The following ALPK1 variants were observed in gnomAD, a reference collection of about 807,000 sequenced individuals.
ALPK1 encodes alpha kinase 1, also known as alpha-protein kinase 1.
In ALPK1, 110 loss-of-function variants were observed where a neutral mutation model predicts 120.6. That is an observed-to-expected ratio of 0.91 (90% CI 0.78 to 1.07). The LOEUF is 1.07. Ranked by LOEUF, ALPK1 falls within the 50% of genes least tolerant of loss-of-function variation. The probability of loss-of-function intolerance (pLI) is 0.00; values close to 1 mark genes in which losing one functional copy is unlikely to be tolerated. For synonymous variants in ALPK1, 582 were observed against 560.3 expected (o/e 1.04, Z -0.55); for missense variants, 1,498 against 1,483.9 (o/e 1.01, Z -0.16).
intron 2 of ALPK1, chr4:112,356,859 G>C: frequency 1.4e-6 from 1 of 735,778 alleles, no homozygotes; most frequent in Non-Finnish European, 2.5e-6. Flanking sequence ...GACCTTAAGG[G>C]GACGGTCGTG....
At chr4:112,386,885 C>T (rs1031029505) in intron 4 of ALPK1, among the ~76,000 whole-genome samples, 6 of 152,128 alleles carry the variant, frequency 3.9e-5, no homozygotes, top group Admixed American at 1.3e-4. Context: ...GGAAAGTAAG[C>T]GCTCCTTCAG....
chr4:112,349,441 A>G (rs992789423), intron 2 of ALPK1, among the ~76,000 whole-genome samples: 1 of 152,120 alleles, frequency 6.6e-6, no homozygotes, highest in African/African-American at 2.4e-5. Context: ...ATTGATACCT[A>G]TGAAGCACTC....
At chr4:112,306,934 G>T (rs937794628) in intron 1 of ALPK1, among the ~76,000 whole-genome samples, 2 of 152,100 alleles carry the variant, frequency 1.3e-5, no homozygotes, top group East Asian at 1.9e-4. Flanking sequence ...GTGTCCCAGA[G>T]ATTCTGGTAT....
At chr4:112,312,397 C>T (rs369143763) in intron 1 of ALPK1, among the ~76,000 whole-genome samples, 28 of 152,138 alleles carry the variant, frequency 1.8e-4, no homozygotes, top group Non-Finnish European at 3.1e-4. Context: ...CTCAGCCTCG[C>T]GAGTAGCTGG....
At chr4:112,340,600 G>A (rs1729818663) in intron 2 of ALPK1, among the ~76,000 whole-genome samples, 3 of 152,118 alleles carry the variant, frequency 2.0e-5, no homozygotes, top group African/African-American at 7.2e-5. Context: ...CTTAAACACT[G>A]TTATTAAGAT....
intron 2 of ALPK1, chr4:112,359,064 G>A: frequency 1.3e-6 from 1 of 756,050 alleles, no homozygotes; most frequent in South Asian, 1.3e-5. Context: ...GACACAGCCA[G>A]CCCTGGACCC....
chr4:112,305,069 G>A (rs1331712721), intron 1 of ALPK1, among the ~76,000 whole-genome samples: 1 of 152,014 alleles, frequency 6.6e-6, no homozygotes, highest in Non-Finnish European at 1.5e-5. Flanking sequence ...TAGAGGTGTG[G>A]TATTATTTCT....
intron 1 of ALPK1, among the ~76,000 whole-genome samples, chr4:112,303,827 G>T (rs558366097): frequency 3.7e-4 from 56 of 151,636 alleles, no homozygotes; most frequent in Non-Finnish European, 7.4e-4. Context: ...GTATACATGT[G>T]CTGTGTTGGT....
chr4:112,379,330 A>G (rs1177138154), intron 3 of ALPK1, among the ~76,000 whole-genome samples: 1 of 152,238 alleles, frequency 6.6e-6, no homozygotes, highest in Admixed American at 6.5e-5. Context: ...CCTTCAGGTA[A>G]GCTGCTTGGG....
Position 112,425,705 on chromosome 4 carries a change from G to T in ALPK1, c.576G>T (p.Val192=). 1 of 1,613,226 alleles carries T rather than the reference G, an allele frequency of 6.2e-7. No individual in the cohort carries two copies. The highest frequency in any genetic ancestry group is 8.5e-7 in the Non-Finnish European group (1 of 1,179,318). Residue 192 remains valine (V), a synonymous_variant, in exon 7 of 16, where the codon GTG becomes GTT. Transcript: ENST00000650871. The part of the protein sequence containing the change: ...LYRNESDKVL[V]QSVCIQIRGQ... The stretch of plus-strand genomic sequence containing the variant: ...GAAATGAAAGTGACAAGGTCCTGGT[G>T]CAGTCGGTCTGTATACAGATCAGAG...
At chr4:112,435,012 T>C (rs1445317450) in intron 11 of ALPK1, 136 bp from the exon 12 acceptor site, 7 of 818,064 alleles carry the variant, frequency 8.6e-6, no homozygotes, top group East Asian at 5.1e-5. Flanking sequence ...ATAGAAGAGA[T>C]GAAAATTAGA....
At chr4:112,330,615 C>T (rs1175265154) in intron 2 of ALPK1, among the ~76,000 whole-genome samples, 1 of 152,176 alleles carries the variant, frequency 6.6e-6, no homozygotes, top group Non-Finnish European at 1.5e-5. Context: ...ACCCATGTGG[C>T]CTGTCCTTGG....
chr4:112,409,630 G>A (rs993219434), intron 4 of ALPK1, among the ~76,000 whole-genome samples: 4 of 151,978 alleles, frequency 2.6e-5, no homozygotes, highest in Admixed American at 6.6e-5. Flanking sequence ...GAGAAGTAAC[G>A]ACAAATTGCC....
chr4:112,377,958 C>A (rs1302200289), intron 3 of ALPK1, 60 bp downstream of exon 3: 2 of 1,516,910 alleles, frequency 1.3e-6, no homozygotes, highest in Non-Finnish European at 1.8e-6. Context: ...CTGTCCCCTG[C>A]CTGAACGACA....
chr4:112,352,168 T>A (rs888884053), intron 2 of ALPK1, among the ~76,000 whole-genome samples: 3 of 152,250 alleles, frequency 2.0e-5, no homozygotes, highest in African/African-American at 7.2e-5. Context: ...TTATTCTTTT[T>A]AATATTTTCA....
chr4:112,346,403 C>T (rs746773568), intron 2 of ALPK1, among the ~76,000 whole-genome samples: 12 of 152,126 alleles, frequency 7.9e-5, no homozygotes, highest in Non-Finnish European at 1.6e-4. Flanking sequence ...ATGGTTGACA[C>T]GTTTTGTGAT....
chr4:112,432,420 G>T lies in ALPK1; in HGVS notation c.2873G>T (p.Trp958Leu). ...WSYLNSSGSSWVSLPGKMRKE... is the reference protein window; with the variant it reads ...WSYLNSSGSSLVSLPGKMRKE... ...TATCTGAATTCCAGTGGGAGTTCTTGGGTTTCATTGCCGGGAAAGATGAGG... is the reference window on the plus strand; with the variant it reads ...TATCTGAATTCCAGTGGGAGTTCTTTGGTTTCATTGCCGGGAAAGATGAGG... Residue 958 changes from tryptophan to leucine, a missense_variant, in exon 11 of 16, where the codon TGG becomes TTG. By Grantham distance (61) the Trp-to-Leu change is moderately conservative (BLOSUM62 -2). Transcript: ENST00000650871. 1 of 1,614,166 alleles carries T rather than the reference G, an allele frequency of 6.2e-7. No individual in the cohort carries two copies. The highest frequency in any genetic ancestry group is 8.5e-7 in the Non-Finnish European group (1 of 1,180,032).
chr4:112,438,773 T>C (rs1734900893), intron 13 of ALPK1, 127 bp downstream of exon 13: 1 of 1,059,396 alleles, frequency 9.4e-7, no homozygotes, highest in African/African-American at 1.6e-5. Flanking sequence ...GTTGTCCCTG[T>C]ACTTTCCAAG....
intron 4 of ALPK1, among the ~76,000 whole-genome samples, chr4:112,399,131 G>A (rs1732795358): frequency 2.0e-5 from 3 of 152,150 alleles, no homozygotes; most frequent in African/African-American, 4.8e-5. Flanking sequence ...CATCATCAGT[G>A]TTGATATTTA....
Sources: allele counts gnomAD v4.1 joint callset (sites outside exome capture counted in the v4.1 genomes callset), GRCh38; gene constraint gnomAD v4.1.1; transcripts MANE v1.5; gene names NCBI Gene and HGNC (gene_info 2026-07-23, HGNC 2026-07-21).